The following DOCK2 variants were observed in gnomAD, a reference collection of about 807,000 sequenced individuals.
DOCK2 encodes dedicator of cytokinesis protein 2.
DOCK2 carries 87 observed loss-of-function variants against 248.9 expected under a neutral mutation model. That is an observed-to-expected ratio of 0.35 (90% CI 0.29 to 0.42). The LOEUF (loss-of-function observed/expected upper bound fraction) is 0.42. Ranked by LOEUF, DOCK2 falls within the 10% of genes least tolerant of loss-of-function variation. The pLI is 1.00. For missense variants in DOCK2, 1,747 were observed against 2,300.2 expected, an observed-to-expected ratio of 0.76 and a Z score of 4.92; for synonymous variants, 805 against 821.6, an observed-to-expected ratio of 0.98 and a Z score of 0.35.
chr5:169,993,454 A>G (rs539933276), intron 29 of DOCK2, among the ~76,000 whole-genome samples: 28 of 152,240 alleles, frequency 1.8e-4, no homozygotes, highest in African/African-American at 6.7e-4. Flanking sequence ...CATTACTGCT[A>G]TTTCACAAGG....
At chr5:169,934,087 C>T (rs1775879695) in intron 27 of DOCK2, among the ~76,000 whole-genome samples, 2 of 152,176 alleles carry the variant, frequency 1.3e-5, no homozygotes, top group South Asian at 2.1e-4. Flanking sequence ...TTGTAGCACA[C>T]CTCATGTCTG....
At chr5:169,821,033 A>G (rs1383974413) in intron 26 of DOCK2, among the ~76,000 whole-genome samples, 1 of 152,250 alleles carries the variant, frequency 6.6e-6, no homozygotes, top group African/African-American at 2.4e-5. Flanking sequence ...TGGAAGATCA[A>G]ATGAATGAAA....
intron 27 of DOCK2, chr5:169,934,756 G>A (rs1421121681): frequency 4.4e-6 from 2 of 455,262 alleles, no homozygotes; most frequent in Admixed American, 4.7e-5. Flanking sequence ...TCAGTGCTCA[G>A]TAAATGCTAG....
chr5:169,981,416 C>T (rs1777932790), intron 27 of DOCK2, among the ~76,000 whole-genome samples: 1 of 152,198 alleles, frequency 6.6e-6, no homozygotes, highest in South Asian at 2.1e-4. Flanking sequence ...GGCAACCCTG[C>T]ATTGAGCAAG....
chr5:169,829,050 A>T (rs1311872070), intron 26 of DOCK2, among the ~76,000 whole-genome samples: 1 of 152,174 alleles, frequency 6.6e-6, no homozygotes, highest in Non-Finnish European at 1.5e-5. Flanking sequence ...TTCAGGGCTG[A>T]TGATGATGCA....
intron 41 of DOCK2, among the ~76,000 whole-genome samples, chr5:170,054,778 GC>G (rs1442613376): frequency 1.3e-5 from 2 of 152,170 alleles, no homozygotes; most frequent in African/African-American, 2.4e-5. Flanking sequence ...TGGTCAAAGG[GC>G]CGCCTTTGAG....
chr5:169,676,942 T>C (rs1263827270), intron 6 of DOCK2, among the ~76,000 whole-genome samples: 1 of 152,218 alleles, frequency 6.6e-6, no homozygotes, highest in East Asian at 1.9e-4. Flanking sequence ...GCGCTCACTG[T>C]ACACCAGGCA....
chr5:169,741,803 A>ATTTTTTTT, intron 22 of DOCK2, among the ~76,000 whole-genome samples: 1 of 82,418 alleles, frequency 1.2e-5, no homozygotes, highest in Non-Finnish European at 2.3e-5. Flanking sequence ...ATCTTTTACT[A>ATTTTTTTT]TTTTTTTTTT....
chr5:170,076,881 A>C (rs951922955), intron 47 of DOCK2, among the ~76,000 whole-genome samples: 1 of 152,110 alleles, frequency 6.6e-6, no homozygotes, highest in African/African-American at 2.4e-5. Flanking sequence ...CCCTGGAGTT[A>C]GGTCACATTT....
intron 48 of DOCK2, among the ~76,000 whole-genome samples, chr5:170,078,395 C>T (rs1454907888): frequency 1.3e-5 from 2 of 152,178 alleles, no homozygotes; most frequent in Non-Finnish European, 2.9e-5. Context: ...AGGATGGAAA[C>T]GTCTTCTGTT....
At chr5:169,687,366 G>C (rs55754212) in intron 8 of DOCK2, among the ~76,000 whole-genome samples, 7,113 of 152,196 alleles carry the variant, frequency 0.047, 205 homozygotes, top group Middle Eastern at 0.13. Flanking sequence ...ATCTGGGACT[G>C]TGTTCATTTT....
At chr5:169,720,594 A>T (rs975336381) in intron 22 of DOCK2, among the ~76,000 whole-genome samples, 4 of 152,164 alleles carry the variant, frequency 2.6e-5, no homozygotes, top group African/African-American at 7.2e-5. Context: ...TTGTGGAATT[A>T]TACAGAGTTT....
At chr5:169,800,335 G>A (rs1017189475) in intron 25 of DOCK2, among the ~76,000 whole-genome samples, 2 of 152,018 alleles carry the variant, frequency 1.3e-5, no homozygotes, top group African/African-American at 4.8e-5. Flanking sequence ...TAAACCACCA[G>A]TGTTCCCTAA....
chr5:169,727,811 G>C (rs1394722556), intron 22 of DOCK2, among the ~76,000 whole-genome samples: 1 of 152,166 alleles, frequency 6.6e-6, no homozygotes, highest in Admixed American at 6.5e-5. Flanking sequence ...CCAAGGAGCA[G>C]TTTGGAAACT....
intron 2 of DOCK2, among the ~76,000 whole-genome samples, chr5:169,656,805 A>G (rs1758147176): frequency 6.6e-6 from 1 of 152,224 alleles, no homozygotes; most frequent in South Asian, 2.1e-4. Flanking sequence ...AGGCTGCCAT[A>G]GTCAGAGCCT....
At chr5:169,776,767 C>G (rs538820428) in intron 25 of DOCK2, among the ~76,000 whole-genome samples, 1 of 152,306 alleles carries the variant, frequency 6.6e-6, no homozygotes, top group South Asian at 2.1e-4. Context: ...CCCCTTTGCT[C>G]GCCACGCATT....
Position 169,714,272 on chromosome 5 carries a change from G to A in DOCK2, c.1843+61G>A. Reference sequence around the variant, plus strand: ...TGTGTGTGTCCGTGTGTGTGTACATGTGTGTATGTGCTTGCAGACCCAAGG... The same window carrying A: ...TGTGTGTGTCCGTGTGTGTGTACATATGTGTATGTGCTTGCAGACCCAAGG... On this transcript the variant is annotated intron_variant, in intron 18 of 51. Transcript: ENST00000520908. 3 of 1,608,448 alleles carry A rather than the reference G, an allele frequency of 1.9e-6. No individual in the cohort carries two copies. The Admixed American group carries it at 5.0e-5, about 27-fold the overall frequency.
intron 27 of DOCK2, among the ~76,000 whole-genome samples, chr5:169,927,978 G>C (rs1775556164): frequency 6.6e-6 from 1 of 152,112 alleles, no homozygotes; most frequent in Non-Finnish European, 1.5e-5. Flanking sequence ...TCTTCCTTGG[G>C]TTTCAGTAGG....
chr5:169,715,595 CTT>C (rs1306325431), intron 19 of DOCK2, among the ~76,000 whole-genome samples: 1 of 142,172 alleles, frequency 7.0e-6, no homozygotes, highest in Admixed American at 7.0e-5. Context: ...ATTCTTTTTT[CTT>C]TTTTTTTTTT....
Sources: allele counts gnomAD v4.1 joint callset (sites outside exome capture counted in the v4.1 genomes callset), GRCh38; gene constraint gnomAD v4.1.1; transcripts MANE v1.5; gene names NCBI Gene and HGNC (gene_info 2026-07-23, HGNC 2026-07-21).